Variants in HOOK3 observed in about 807,000 individuals in gnomAD.
HOOK3 encodes hook microtubule tethering protein 3, also known as protein Hook homolog 3.
Under a neutral mutation model 116.3 loss-of-function variants are expected in HOOK3, and 24 were observed. The observed-to-expected ratio is 0.21, with a 90% CI of 0.15 to 0.29. HOOK3 has a LOEUF of 0.29. HOOK3 is among the 10% of genes least tolerant of loss of function. The pLI, the probability that HOOK3 is intolerant of heterozygous loss-of-function variation, is 1.00. For missense variants in HOOK3, 632 were observed against 830.2 expected (o/e 0.76, Z 2.93); for synonymous variants, 275 against 283.0 (o/e 0.97, Z 0.28).
chr8:42,963,612 T>A (rs1220527390), intron 8 of HOOK3, among the ~76,000 whole-genome samples: 1 of 152,248 alleles, frequency 6.6e-6, no homozygotes, highest in Non-Finnish European at 1.5e-5. Flanking sequence ...CCAAAATGTT[T>A]GAAACATTTT....
rs1403674931 is a variant in HOOK3, at chr8:43,018,998, AG to A, written c.*501del. 2 of 209,494 alleles carry A rather than the reference AG, an allele frequency of 9.5e-6. No individual in the cohort carries two copies. Among genetic ancestry groups the A allele is most frequent in the African/African-American group, 4.5e-5 (2 of 44,066 alleles). The allele number at this position is 209,494 out of a possible 1,614,324, so 13.0% of individuals were successfully genotyped here. On this transcript the variant is annotated 3_prime_UTR_variant, in exon 22 of 22. Coordinates refer to ENST00000307602, the MANE Select transcript of HOOK3 (RefSeq NM_032410.4). ...TATTTACTATACAAAATGGTTGACA[AG>A]TGTTCTTTTTGCAAAGACTTGAATA... is the stretch of plus-strand genomic sequence containing the variant.
At position 43,003,405 on chromosome 8, in the gene HOOK3, C is replaced by G. The variant is rs146352221; in HGVS notation, c.1655+1264C>G. Among the ~76,000 whole-genome samples, 758 of 152,254 alleles carry G rather than the reference C, an allele frequency of 5.0e-3. 4 individuals carry two copies. Among genetic ancestry groups the G allele is most frequent in the South Asian group, 0.014 (67 of 4,830 alleles). ...TTACTTTTGCCTTTTGTGAGATTAC[C>G]TGCAATGAGAGTTTAGTACTGAATT... On this transcript the variant is annotated intron_variant, in intron 17 of 21. Coordinates refer to ENST00000307602, the MANE Select transcript of HOOK3 (RefSeq NM_032410.4).
At chr8:42,940,503 G>A (rs538255853) in intron 4 of HOOK3, among the ~76,000 whole-genome samples, 20 of 138,312 alleles carry the variant, frequency 1.4e-4, no homozygotes, top group Middle Eastern at 3.5e-3. Context: ...CGTGGGGACA[G>A]GGACAGGGAC....
chr8:42,957,824 T>TG (rs1457820188), intron 7 of HOOK3, among the ~76,000 whole-genome samples: 1 of 144,112 alleles, frequency 6.9e-6, no homozygotes, highest in Non-Finnish European at 1.5e-5. Flanking sequence ...AAATATCTCT[T>TG]CCTTTTTTTT....
At position 42,944,558 on chromosome 8, in the gene HOOK3, C is replaced by T. The variant is rs142211079; in HGVS notation, c.400+1113C>T. 4.9e-3 allele frequency among the ~76,000 whole-genome samples: 746 copies of T among 151,688 alleles called. 6 individuals are homozygous for T. The highest frequency in any genetic ancestry group is 0.014 in the Middle Eastern group (4 of 290). ...TAATGGGGCCGGGCGCAGTGGCTCA[C>T]GCCTGTAATCCCAGCACTTTGGGAG... On this transcript the variant is annotated intron_variant, in intron 5 of 21. Transcript: ENST00000307602.
In HOOK3 at chr8:42,997,536, C is replaced by T; in HGVS notation, c.1533-14C>T. The T allele has an allele frequency of 2.6e-6, 4 of 1,545,010 alleles. No individual in the cohort carries two copies. Among genetic ancestry groups the T allele is most frequent in the Non-Finnish European group, 3.6e-6 (4 of 1,125,460 alleles). On this transcript the variant is annotated splice_polypyrimidine_tract_variant and intron_variant, in intron 15 of 21. Coordinates refer to ENST00000307602, the MANE Select transcript of HOOK3 (RefSeq NM_032410.4). ...ACTCACCACTTGGAAAATTAATGTA[C>T]ATTTCATTTCTAGGCTGGTGAATCA...
intron 9 of HOOK3, 23 bp from the exon 10 acceptor site, chr8:42,966,450 G>T: frequency 6.2e-7 from 1 of 1,610,856 alleles, no homozygotes; most frequent in Non-Finnish European, 8.5e-7. Context: ...GTGCTTTCTT[G>T]GTCTATTTTA....
At position 42,986,745 on chromosome 8, in the gene HOOK3, C is replaced by T; in HGVS notation, c.1482C>T (p.Ser494=). The part of the protein sequence containing the change: ...SDNEKIALLQ[S]LLDDANLRKN... ...ATGAAAAAATAGCCTTATTGCAGAG[C>T]CTTCTAGATGATGCAAATCTACGCA... is the stretch of plus-strand genomic sequence containing the variant. Residue 494 remains serine, a synonymous_variant, in exon 15 of 22, where the codon AGC becomes AGT. Transcript: ENST00000307602. 4.3e-6 allele frequency: 7 copies of T among 1,613,684 alleles called. No individual in the cohort carries two copies. Among genetic ancestry groups the T allele is most frequent in the Non-Finnish European group, 4.2e-6 (5 of 1,179,730 alleles).
chr8:42,956,936 C>T (rs923725875), intron 6 of HOOK3, among the ~76,000 whole-genome samples, 158 bp from the exon 7 acceptor site: 3 of 152,144 alleles, frequency 2.0e-5, no homozygotes, highest in Non-Finnish European at 2.9e-5. Context: ...AAAAAAGTTC[C>T]GGACTCAGAA....
chr8:42,977,738 G>A (rs1458865591), intron 13 of HOOK3, among the ~76,000 whole-genome samples: 3 of 152,010 alleles, frequency 2.0e-5, no homozygotes, highest in East Asian at 3.9e-4. Flanking sequence ...ATGGTGGTGC[G>A]TGCCTGTAAT....
intron 4 of HOOK3, among the ~76,000 whole-genome samples, chr8:42,939,443 G>A (rs1227335854): frequency 1.4e-5 from 2 of 147,494 alleles, no homozygotes; most frequent in South Asian, 2.2e-4. Context: ...CCGGGCAGAG[G>A]GGCTCCTCAC....
At chr8:43,017,417 A>G (rs1286359893) in intron 21 of HOOK3, among the ~76,000 whole-genome samples, 1 of 152,120 alleles carries the variant, frequency 6.6e-6, no homozygotes, top group African/African-American at 2.4e-5. Context: ...TGGGCATGCC[A>G]TCATGCCCAG....
rs190998371 is a variant in HOOK3, at chr8:43,007,907, C to T, written c.1716C>T (p.Leu572=). 9.4e-6 allele frequency: 15 copies of T among 1,595,160 alleles called. No homozygotes were observed. The Admixed American group carries it at 2.0e-4, about 21-fold the overall frequency. ...LQKKRAIIED[L]EPRFNNSSLK... ...AGAAGAGAGCCATTATTGAAGATCTCGAGCCAAGATTTAACAACAGCTGTG... is the reference window on the plus strand; with the variant it reads ...AGAAGAGAGCCATTATTGAAGATCTTGAGCCAAGATTTAACAACAGCTGTG... The change falls in exon 18 of 22, where the codon CTC becomes CTT. Residue 572 remains leucine (L), a synonymous_variant. Coordinates refer to ENST00000307602, the MANE Select transcript of HOOK3 (RefSeq NM_032410.4).
At chr8:42,897,544 G>A (rs1193976106) in intron 1 of HOOK3, among the ~76,000 whole-genome samples, 1 of 152,244 alleles carries the variant, frequency 6.6e-6, no homozygotes, top group Admixed American at 6.5e-5. Context: ...GTTCGCGGAG[G>A]ACGGGCCCGG....
intron 4 of HOOK3, among the ~76,000 whole-genome samples, chr8:42,941,538 A>G (rs1459995271): frequency 2.0e-5 from 3 of 151,126 alleles, no homozygotes; most frequent in African/African-American, 7.3e-5. Context: ...AAAAAAAAAA[A>G]AAGAGGCATG....
chr8:42,926,032 C>T (rs1807758581), intron 3 of HOOK3, among the ~76,000 whole-genome samples: 1 of 152,154 alleles, frequency 6.6e-6, no homozygotes, highest in Admixed American at 6.5e-5. Flanking sequence ...TAACACTGAT[C>T]ATTATTAACT....
At chr8:42,968,610 G>A (rs893930589) in intron 11 of HOOK3, among the ~76,000 whole-genome samples, 11 of 152,162 alleles carry the variant, frequency 7.2e-5, no homozygotes, top group Non-Finnish European at 1.5e-4. Flanking sequence ...GATTACAAGC[G>A]TGAGCCACTG....
intron 1 of HOOK3, among the ~76,000 whole-genome samples, chr8:42,901,609 A>G (rs979492509): frequency 2.0e-5 from 3 of 152,210 alleles, no homozygotes; most frequent in African/African-American, 7.2e-5. Context: ...CTTATGAGCA[A>G]CTATGTACCT....
intron 8 of HOOK3, among the ~76,000 whole-genome samples, chr8:42,964,079 C>T (rs576441788): frequency 4.6e-5 from 7 of 152,200 alleles, no homozygotes; most frequent in East Asian, 1.9e-4. Context: ...TGGTGGTGGG[C>T]GCCTGTAGTC....
Sources: gnomAD v4.1 joint callset for allele counts (sites outside exome capture counted in the v4.1 genomes callset) on GRCh38, gnomAD v4.1.1 for gene constraint, MANE v1.5 for transcripts, NCBI Gene and HGNC (gene_info 2026-07-23, HGNC 2026-07-21) for gene names.